Variants in MOG observed in about 807,000 individuals in gnomAD.
The protein encoded by MOG is myelin-oligodendrocyte glycoprotein.
A neutral mutation model predicts 35.9 loss-of-function variants in MOG; 20 were observed. The ratio of observed to expected loss-of-function variants is 0.56; its 90% CI spans 0.39 to 0.81. MOG has a LOEUF of 0.81. Among genes scored for constraint, MOG ranks in the 30% least tolerant of loss-of-function variants. The pLI is 0.00. For missense variants in MOG, 251 were observed against 301.0 expected (o/e 0.83, Z 1.23); for synonymous variants, 92 against 114.3 (o/e 0.80, Z 1.25).
chr6:29,660,070 C>T (rs1168292320), intron 2 of MOG: 5 of 287,420 alleles, frequency 1.7e-5, no homozygotes, highest in Non-Finnish European at 2.0e-5. Flanking sequence ...GTTTGCCTCG[C>T]AGCTACTCAG....
In MOG at chr6:29,662,043, G is replaced by GT; in HGVS notation, c.436+2378dup. ...AATTTAGGAATGAGATGAAGTAATG[G>GT]TATTATTGCAAGTCTCAGGTGTAAC... On this transcript the variant is annotated intron_variant, in intron 2 of 7. Coordinates refer to ENST00000376917, the MANE Select transcript of MOG (RefSeq NM_206809.4). This position sits in a 1 kb window ranked among gnomAD's most constrained non-coding sequence, Gnocchi z 4.2. The GT allele has an allele frequency of 1.0e-6, 1 of 985,318 alleles. No homozygotes were observed. The highest frequency in any genetic ancestry group is 1.7e-5 in the African/African-American group (1 of 57,322). The allele number at this position is 985,318 out of a possible 1,614,324, so 61.0% of individuals were successfully genotyped here. A position where few individuals can be genotyped will look rare whatever the true frequency, so the allele number is the denominator to read the frequency against.
rs984808177 is a variant in MOG at position 29,672,346 on chromosome 6, T to C, written c.*1161T>C. On this transcript the variant is annotated 3_prime_UTR_variant, in exon 8 of 8. Coordinates refer to ENST00000376917, the MANE Select transcript of MOG (RefSeq NM_206809.4). ...TAAATAAATAAATAAAAAATAATAATACAAGTTTTCATAAGCACACTTCTA... is the reference window on the plus strand; with the variant it reads ...TAAATAAATAAATAAAAAATAATAACACAAGTTTTCATAAGCACACTTCTA... 1 of 421,500 alleles carries C rather than the reference T, an allele frequency of 2.4e-6. No homozygotes were observed. Among genetic ancestry groups the C allele is most frequent in the African/African-American group, 2.1e-5 (1 of 47,810 alleles). The allele number at this position is 421,500 out of a possible 1,614,324, so 26.1% of individuals were successfully genotyped here. A position where few individuals can be genotyped will look rare whatever the true frequency, so the allele number is the denominator to read the frequency against.
Position 29,659,399 on chromosome 6 carries a change from C to A in MOG, c.169C>A (p.Pro57Thr). ...AGTGGAATTGCCATGTCGCATATCT[C>A]CTGGGAAGAACGCTACAGGCATGGA... ...DEVELPCRIS[P>T]GKNATGMEVG... The change falls in exon 2 of 8, where the codon CCT becomes ACT. Residue 57 changes from proline (P) to threonine (T), a missense_variant. Physicochemically the swap from Pro to Thr is conservative, Grantham distance 38 (BLOSUM62 -1). Coordinates refer to ENST00000376917, the MANE Select transcript of MOG (RefSeq NM_206809.4). 1 of 1,613,008 alleles carries A rather than the reference C, an allele frequency of 6.2e-7. No individual in the cohort carries two copies. The highest frequency in any genetic ancestry group is 1.3e-5 in the African/African-American group (1 of 75,044).
At chr6:29,665,547 G>A (rs1256666210) in intron 2 of MOG, among the ~76,000 whole-genome samples, 1 of 151,478 alleles carries the variant, frequency 6.6e-6, no homozygotes, top group Non-Finnish European at 1.5e-5. Context: ...TTTAAGCTTT[G>A]AATCCCCTGA....
intron 2 of MOG, chr6:29,664,841 G>A (rs1769838842): frequency 1.1e-5 from 3 of 284,346 alleles, no homozygotes; most frequent in Non-Finnish European, 2.1e-5. Context: ...GAACTCCTGG[G>A]CTCAAGCAAT....
chr6:29,660,647 AAGG>A (rs1768456451), intron 2 of MOG, among the ~76,000 whole-genome samples: 1 of 151,132 alleles, frequency 6.6e-6, no homozygotes, highest in Admixed American at 6.6e-5. Context: ...TAATTATAGA[AAGG>A]AGATGTCACT....
rs766437315 is a variant in MOG at position 29,666,211 on chromosome 6, C to G, written c.496C>G (p.Leu166Val). Residue 166 changes from leucine (L) to valine (V), a missense_variant, in exon 3 of 8, where the codon CTC (leucine) becomes GTC (valine). Leu to Val is a conservative substitution (Grantham distance 32). Transcript: ENST00000376917. ...LVLLAVLPVL[L>V]LQITVGLIFL... ...TCTCCTCGCGGTGCTGCCTGTGCTCCTCCTGCAGATCACTGTTGGCCTCAT... is the reference window on the plus strand; with the variant it reads ...TCTCCTCGCGGTGCTGCCTGTGCTCGTCCTGCAGATCACTGTTGGCCTCAT... 1 of 1,612,928 alleles carries G rather than the reference C, an allele frequency of 6.2e-7. No homozygotes were observed. The highest frequency in any genetic ancestry group is 8.5e-7 in the Non-Finnish European group (1 of 1,179,938).
chr6:29,666,015 A>G, intron 2 of MOG, 137 bp from the exon 3 acceptor site: 1 of 761,326 alleles, frequency 1.3e-6, no homozygotes. Context: ...AAGCTCAGGG[A>G]CCAATTCTGT....
intron 1 of MOG, among the ~76,000 whole-genome samples, chr6:29,659,107 C>A (rs578030188): frequency 6.6e-6 from 1 of 151,324 alleles, no homozygotes; most frequent in Non-Finnish European, 1.5e-5. Context: ...CCAGCCTGGG[C>A]GACAGAGAGT....
rs1562210230 is a variant in MOG, at chr6:29,670,573, C to T, written c.710-128C>T. 2.6e-6 allele frequency: 4 copies of T among 1,567,634 alleles called. No homozygotes were observed. The highest frequency in any genetic ancestry group is 2.3e-5 in the South Asian group (2 of 88,320). On this transcript the variant is annotated intron_variant, in intron 6 of 7. Coordinates refer to ENST00000376917, the MANE Select transcript of MOG (RefSeq NM_206809.4). The surrounding 1 kb of genome is among the most constrained non-coding windows in gnomAD (Gnocchi z 4.2). Reference sequence around the variant, plus strand: ...TTCTGAGAAACTGTGAAGAGAACCACTTACTGGATCTGTGGGATCCCCCAG... The same window carrying T: ...TTCTGAGAAACTGTGAAGAGAACCATTTACTGGATCTGTGGGATCCCCCAG...
At chr6:29,671,034 T>C in intron 7 of MOG, 138 bp from the exon 8 acceptor site, 1 of 1,612,016 alleles carries the variant, frequency 6.2e-7, no homozygotes, top group South Asian at 1.1e-5. Flanking sequence ...AACTGCCCAG[T>C]GCCTCACCTC....
chr6:29,671,431 T>G lies in MOG; in HGVS notation c.*246T>G. On this transcript the variant is annotated 3_prime_UTR_variant, in exon 8 of 8. Transcript: ENST00000376917. ...CCATTTCTCTCTCCAGTCTTCCACCTGGAAGCCCTCTCTGGCTAAGGACAG... is the reference window on the plus strand; with the variant it reads ...CCATTTCTCTCTCCAGTCTTCCACCGGGAAGCCCTCTCTGGCTAAGGACAG... 5.0e-6 allele frequency: 8 copies of G among 1,611,144 alleles called. No homozygotes were observed. The highest frequency in any genetic ancestry group is 6.8e-6 in the Non-Finnish European group (8 of 1,178,396).
chr6:29,663,648 A>G (rs916514774), intron 2 of MOG, among the ~76,000 whole-genome samples: 22 of 152,150 alleles, frequency 1.4e-4, no homozygotes, highest in Admixed American at 6.5e-4. Flanking sequence ...GTGATACTCT[A>G]TACTTCTTGT....
At position 29,662,255 on chromosome 6, in the gene MOG, G is replaced by A. The variant is rs574797471; in HGVS notation, c.436+2589G>A. The A allele has an allele frequency of 3.7e-5, 31 of 844,924 alleles. No individual in the cohort carries two copies. The highest frequency in any genetic ancestry group is 2.2e-4 in the South Asian group (4 of 18,392). The allele number at this position is 844,924 out of a possible 1,614,324, so 52.3% of individuals were successfully genotyped here. A position where few individuals can be genotyped will look rare whatever the true frequency, so the allele number is the denominator to read the frequency against. On this transcript the variant is annotated intron_variant, in intron 2 of 7. Coordinates refer to ENST00000376917, the MANE Select transcript of MOG (RefSeq NM_206809.4). This position sits in a 1 kb window ranked among gnomAD's most constrained non-coding sequence, Gnocchi z 4.2. ...TCCCAGCACTTTGGGAGGCCGAAGC[G>A]GGCAGATCACCCGAGGTCAGGAGTT... is the stretch of plus-strand genomic sequence containing the variant.
In MOG at chr6:29,659,398, T is replaced by C; in HGVS notation, c.168T>C (p.Ser56=). The C allele has an allele frequency of 6.2e-7, 1 of 1,612,972 alleles. No homozygotes were observed. The highest frequency in any genetic ancestry group is 8.5e-7 in the Non-Finnish European group (1 of 1,180,006). ...GDEVELPCRI[S]PGKNATGMEV... The stretch of plus-strand genomic sequence containing the variant: ...AAGTGGAATTGCCATGTCGCATATC[T>C]CCTGGGAAGAACGCTACAGGCATGG... The change falls in exon 2 of 8, where the codon TCT becomes TCC. Residue 56 remains serine (S), a synonymous_variant. Coordinates refer to ENST00000376917, the MANE Select transcript of MOG (RefSeq NM_206809.4).
rs1011522468 is a variant in MOG at position 29,662,254 on chromosome 6, C to T, written c.436+2588C>T. ...ATCCCAGCACTTTGGGAGGCCGAAGCGGGCAGATCACCCGAGGTCAGGAGT... is the reference window on the plus strand; with the variant it reads ...ATCCCAGCACTTTGGGAGGCCGAAGTGGGCAGATCACCCGAGGTCAGGAGT... On this transcript the variant is annotated intron_variant, in intron 2 of 7. Transcript: ENST00000376917. The surrounding 1 kb of genome is among the most constrained non-coding windows in gnomAD (Gnocchi z 4.2). 1.2e-5 allele frequency: 10 copies of T among 842,340 alleles called. No individual in the cohort carries two copies. The highest frequency in any genetic ancestry group is 2.5e-4 in the East Asian group (2 of 8,110). 52.2% of individuals were successfully genotyped at this position (842,340 alleles called of 1,614,324 possible).
chr6:29,659,931 T>C (rs1768140201), intron 2 of MOG: 11 of 575,964 alleles, frequency 1.9e-5, no homozygotes, highest in Non-Finnish European at 3.1e-5. Context: ...GTGAATATTA[T>C]GCAGGCATTA....
chr6:29,671,335 A>G lies in MOG; in HGVS notation c.*150A>G. 16 of 1,611,846 alleles carry G rather than the reference A, an allele frequency of 9.9e-6. No individual in the cohort carries two copies. The highest frequency in any genetic ancestry group is 1.3e-5 in the Non-Finnish European group (15 of 1,179,772). ...ACTTTCAGGAACACTCTGAATTCCA[A>G]GTAGAATTGATTTCCCTTCTTCTGT... is the stretch of plus-strand genomic sequence containing the variant. On this transcript the variant is annotated 3_prime_UTR_variant, in exon 8 of 8. Coordinates refer to ENST00000376917, the MANE Select transcript of MOG (RefSeq NM_206809.4).
rs1771411235 is a variant in MOG at position 29,671,302 on chromosome 6, C to T, written c.*117C>T. On this transcript the variant is annotated 3_prime_UTR_variant, in exon 8 of 8. Transcript: ENST00000376917. ...TGGCATCTTTGCTATGGGGACATTC[C>T]AATTTGCACTTTCAGGAACACTCTG... 2 of 1,611,636 alleles carry T rather than the reference C, an allele frequency of 1.2e-6. No individual in the cohort carries two copies. The highest frequency in any genetic ancestry group is 3.3e-5 in the Admixed American group (2 of 59,996).
Sources: gnomAD v4.1 joint callset for allele counts (sites outside exome capture counted in the v4.1 genomes callset) on GRCh38, gnomAD v4.1.1 for gene constraint, Gnocchi (gnomAD v3.1) non-coding constraint, MANE v1.5 for transcripts, NCBI Gene and HGNC (gene_info 2026-07-23, HGNC 2026-07-21) for gene names.